The following ZMAT3 variants were observed in gnomAD, a reference collection of about 807,000 sequenced individuals.
The protein encoded by ZMAT3 is zinc finger matrin-type protein 3.
In ZMAT3, 17 loss-of-function variants were observed where a neutral mutation model predicts 32.3. That is an observed-to-expected ratio of 0.53 (90% CI 0.36 to 0.79). The LOEUF (loss-of-function observed/expected upper bound fraction) is 0.79, where lower values mean the gene tolerates loss of function less well. Ranked by LOEUF, ZMAT3 falls within the 30% of genes least tolerant of loss-of-function variation. The probability of loss-of-function intolerance (pLI) is 0.00; values close to 1 mark genes in which losing one functional copy is unlikely to be tolerated. For synonymous variants in ZMAT3, 120 were observed against 133.1 expected, an observed-to-expected ratio of 0.90 and a Z score of 0.68; for missense variants, 329 against 359.7, an observed-to-expected ratio of 0.91 and a Z score of 0.69.
At position 179,017,528 on chromosome 3, in the gene ZMAT3, C is replaced by T. The variant is rs932142103; in HGVS notation, c.*7489G>A. 4.6e-5 allele frequency: 7 copies of T among 152,146 alleles called. No individual in the cohort carries two copies. Among genetic ancestry groups the T allele is most frequent in the Non-Finnish European group, 8.8e-5 (6 of 68,034 alleles). The allele number at this position is 152,146 out of a possible 1,614,324, so 9.4% of individuals were successfully genotyped here. A position where few individuals can be genotyped will look rare whatever the true frequency, so the allele number is the denominator to read the frequency against. ...CCAAAGCAGTGACTGGCACTCCGACCCAACAGCATACACAGATCTTAAGCC... is the reference window on the plus strand; with the variant it reads ...CCAAAGCAGTGACTGGCACTCCGACTCAACAGCATACACAGATCTTAAGCC... On this transcript the variant is annotated 3_prime_UTR_variant, in exon 6 of 6. Coordinates refer to ENST00000311417, the MANE Select transcript of ZMAT3 (RefSeq NM_022470.4).
In ZMAT3 at chr3:179,057,685, G is replaced by C. The variant is rs555627802; in HGVS notation, c.270+9798C>G. Among the ~76,000 whole-genome samples, 5 of 152,272 alleles carry C rather than the reference G, an allele frequency of 3.3e-5. No individual in the cohort carries two copies. The South Asian group carries it at 1.0e-3, about 32-fold the overall frequency. On this transcript the variant is annotated intron_variant, in intron 2 of 5. Transcript: ENST00000311417. ...TGCTCACAGCAGGTTAAATACTTAC[G>C]GCTAAAATTATCCAAAGGCACCAGG... is the stretch of plus-strand genomic sequence containing the variant.
At chr3:179,054,999 C>A (rs1315193532) in intron 2 of ZMAT3, among the ~76,000 whole-genome samples, 1 of 152,108 alleles carries the variant, frequency 6.6e-6, no homozygotes, top group Non-Finnish European at 1.5e-5. Flanking sequence ...CCTTGGAATC[C>A]GTGAGGCCAA....
In ZMAT3 at chr3:179,030,306, T is replaced by C. The variant is rs140067827; in HGVS notation, c.390+574A>G. On this transcript the variant is annotated intron_variant, in intron 3 of 5. Transcript: ENST00000311417. Reference sequence around the variant, plus strand: ...AACACATGTTTGAAAATCTCTCTTTTCATTTTGGGGTTAGCCTAGACATTC... The same window carrying C: ...AACACATGTTTGAAAATCTCTCTTTCCATTTTGGGGTTAGCCTAGACATTC... Among the ~76,000 whole-genome samples, 314 of 151,978 alleles carry C rather than the reference T, an allele frequency of 2.1e-3. 3 individuals carry two copies. The highest frequency in any genetic ancestry group is 7.1e-3 in the African/African-American group (294 of 41,468).
chr3:179,043,454 C>G (rs911501353), intron 2 of ZMAT3, among the ~76,000 whole-genome samples: 4 of 152,080 alleles, frequency 2.6e-5, no homozygotes, highest in South Asian at 2.1e-4. Flanking sequence ...ACAAACCTGA[C>G]AAAAACAAGA....
At chr3:179,069,142 T>A (rs1721578616) in intron 1 of ZMAT3, among the ~76,000 whole-genome samples, 1 of 152,104 alleles carries the variant, frequency 6.6e-6, no homozygotes, top group East Asian at 1.9e-4. Context: ...CTACACAAAA[T>A]AAGGTATCAA....
chr3:179,070,749 GT>G (rs1295089348), intron 1 of ZMAT3, among the ~76,000 whole-genome samples: 26 of 152,314 alleles, frequency 1.7e-4, no homozygotes, highest in Admixed American at 1.1e-3. Context: ...ATTTATGCTG[GT>G]TAATGTCCTG....
At chr3:179,027,300 C>A in intron 5 of ZMAT3, 123 bp downstream of exon 5, 1 of 757,962 alleles carries the variant, frequency 1.3e-6, no homozygotes, top group Non-Finnish European at 2.1e-6. Flanking sequence ...CGCCACTAGA[C>A]TAATTCAATA....
At position 179,071,604 on chromosome 3, in the gene ZMAT3, C is replaced by G. The variant is rs1017059747; in HGVS notation, c.-67G>C. ...AATCGCCCGCACTTACCGGAACCCC[C>G]GGGACGCGCCGGCAGTCTCCGCGCC... On this transcript the variant is annotated 5_prime_UTR_variant, in exon 1 of 6. Transcript: ENST00000311417. 6.6e-6 allele frequency: 1 copy of G among 152,170 alleles called. No homozygotes were observed. The highest frequency in any genetic ancestry group is 6.5e-5 in the Admixed American group (1 of 15,274). The allele number at this position is 152,170 out of a possible 1,614,324, so 9.4% of individuals were successfully genotyped here.
intron 2 of ZMAT3, among the ~76,000 whole-genome samples, chr3:179,067,064 T>C (rs1298797144): frequency 1.3e-5 from 2 of 152,224 alleles, no homozygotes; most frequent in Non-Finnish European, 2.9e-5. Context: ...ATGCAAATTA[T>C]ATTAGCTTCT....
At chr3:179,052,037 T>C (rs979205657) in intron 2 of ZMAT3, among the ~76,000 whole-genome samples, 23 of 152,180 alleles carry the variant, frequency 1.5e-4, no homozygotes, top group African/African-American at 5.6e-4. Flanking sequence ...TAGAGATGGA[T>C]CAAAGACTTA....
At position 179,067,741 on chromosome 3, in the gene ZMAT3, CA is replaced by C; in HGVS notation, c.11del (p.Leu4CysfsTer76). 1 of 1,613,906 alleles carries C rather than the reference CA, an allele frequency of 6.2e-7. No homozygotes were observed. On this transcript the variant is annotated frameshift_variant, in exon 2 of 6. Coordinates refer to ENST00000311417, the MANE Select transcript of ZMAT3 (RefSeq NM_022470.4). LOFTEE classifies it high-confidence loss of function. ...TAGGTGGAGGAAGCACGGCGTGTTG[CA>C]AGAGGATCATTGGGTAGGGAAGCCT... MIL[L>X]QHAVLPPPKQ...
rs529975730 is a variant in ZMAT3, at chr3:179,042,101, C to T, written c.271-11102G>A. ...AATTGAGGCAATAATTAATAGCCTA[C>T]CAATCAAAAAAAGTCCAGGGCCAGA... On this transcript the variant is annotated intron_variant, in intron 2 of 5. Coordinates refer to ENST00000311417, the MANE Select transcript of ZMAT3 (RefSeq NM_022470.4). Among the ~76,000 whole-genome samples, 7 of 152,216 alleles carry T rather than the reference C, an allele frequency of 4.6e-5. No homozygotes were observed. The South Asian group carries it at 1.2e-3, about 27-fold the overall frequency.
chr3:179,028,106 G>A, intron 3 of ZMAT3, among the ~76,000 whole-genome samples: 1 of 152,174 alleles, frequency 6.6e-6, no homozygotes. Flanking sequence ...AGTAAGTCAT[G>A]GGTAAAATAG....
upstream of ZMAT3, chr3:179,072,060 C>G (rs1011570083): frequency 2.6e-5 from 4 of 152,558 alleles, no homozygotes; most frequent in African/African-American, 4.8e-5. Context: ...CAGACAGCCC[C>G]GAAGAGCAGT....
intron 2 of ZMAT3, among the ~76,000 whole-genome samples, chr3:179,067,107 T>C (rs1263989880): frequency 6.6e-6 from 1 of 152,208 alleles, no homozygotes; most frequent in African/African-American, 2.4e-5. Context: ...GTTCGGTACA[T>C]CATGGGTTTT....
rs57477590 is a variant in ZMAT3, at chr3:179,023,711, T to TATATATATATATATATATATA, written c.*1305_*1306insTATATATATATATATATATAT. On this transcript the variant is annotated 3_prime_UTR_variant, in exon 6 of 6. Coordinates refer to ENST00000311417, the MANE Select transcript of ZMAT3 (RefSeq NM_022470.4). Reference sequence around the variant, plus strand: ...GAAAATATATCTATATATATATATATTTTTTTTTTTTTTTTTTTTTTTTTT... The same window carrying TATATATATATATATATATATA: ...GAAAATATATCTATATATATATATATATATATATATATATATATATATTTTTTTTTTTTTTTTTTTTTTTTT... 3.4e-3 allele frequency: 51 copies of TATATATATATATATATATATA among 15,060 alleles called. 5 individuals are homozygous for TATATATATATATATATATATA. The highest frequency in any genetic ancestry group is 5.4e-3 in the African/African-American group (12 of 2,230). The allele number at this position is 15,060 out of a possible 1,614,324, so 0.9% of individuals were successfully genotyped here. A position where few individuals can be genotyped will look rare whatever the true frequency, so the allele number is the denominator to read the frequency against.
At chr3:179,028,696 C>A (rs900997834) in intron 3 of ZMAT3, among the ~76,000 whole-genome samples, 1 of 152,222 alleles carries the variant, frequency 6.6e-6, no homozygotes, top group Admixed American at 6.5e-5. Flanking sequence ...GAAGATCTCT[C>A]TGGGTATCTT....
At chr3:179,058,434 T>C (rs1414743960) in intron 2 of ZMAT3, among the ~76,000 whole-genome samples, 5 of 152,194 alleles carry the variant, frequency 3.3e-5, no homozygotes, top group African/African-American at 1.2e-4. Flanking sequence ...CAACATCAAC[T>C]TGTATACTGA....
At chr3:179,055,782 A>G (rs1286170589) in intron 2 of ZMAT3, among the ~76,000 whole-genome samples, 1 of 152,222 alleles carries the variant, frequency 6.6e-6, no homozygotes, top group Non-Finnish European at 1.5e-5. Context: ...TGTTACTACT[A>G]AATCAGACAC....
Sources: gnomAD v4.1 joint callset for allele counts (sites outside exome capture counted in the v4.1 genomes callset) on GRCh38, gnomAD v4.1.1 for gene constraint, MANE v1.5 for transcripts, NCBI Gene and HGNC (gene_info 2026-07-23, HGNC 2026-07-21) for gene names.